TRAPPC5: variants seen among roughly 807,000 people sequenced by gnomAD.
TRAPPC5 encodes the protein trafficking protein particle complex 5.
In TRAPPC5, 5 loss-of-function variants were observed where a neutral mutation model predicts 9.8. The observed-to-expected ratio is 0.51, with a 90% CI of 0.27 to 1.07. The LOEUF is 1.07. Ranked by LOEUF, TRAPPC5 falls within the 50% of genes least tolerant of loss-of-function variation. TRAPPC5 has a pLI of 0.12. For synonymous variants in TRAPPC5, 146 were observed against 140.7 expected (o/e 1.04, Z -0.26); for missense variants, 243 against 291.5 (o/e 0.83, Z 1.21).
rs913034077 is a variant in TRAPPC5, at chr19:7,686,343, G to C, written c.*3523G>C. On this transcript the variant is annotated 3_prime_UTR_variant, in exon 2 of 2. Transcript: ENST00000596148. ...TCTGATCACAGCAGCTCTAACTTAC[G>C]GTGCTCTGGGCTGCAAGGAAGGTCT... 6.6e-6 allele frequency: 1 copy of C among 152,260 alleles called. No individual in the cohort carries two copies. Among genetic ancestry groups the C allele is most frequent in the South Asian group, 2.1e-4 (1 of 4,842 alleles). 9.4% of individuals were successfully genotyped at this position (152,260 alleles called of 1,614,324 possible).
chr19:7,684,622 C>G lies in TRAPPC5; in HGVS notation c.*1802C>G, dbSNP rs970052672. The G allele has an allele frequency of 6.6e-6, 1 of 152,024 alleles. No homozygotes were observed. The highest frequency in any genetic ancestry group is 2.4e-5 in the African/African-American group (1 of 41,382). The allele number at this position is 152,024 out of a possible 1,614,324, so 9.4% of individuals were successfully genotyped here. ...TTGGGAGGCCGAGGCAGGCGGATCA[C>G]GAGGTCAGGAGTTCGAGCCAGCCTG... On this transcript the variant is annotated 3_prime_UTR_variant, in exon 2 of 2. Coordinates refer to ENST00000596148, the MANE Select transcript of TRAPPC5 (RefSeq NM_001042462.2).
rs2032636305 is a variant in TRAPPC5, at chr19:7,681,580, G to T, written c.-12-662G>T. 6.6e-6 allele frequency among the ~76,000 whole-genome samples: 1 copy of T among 152,134 alleles called. No individual in the cohort carries two copies. Among genetic ancestry groups the T allele is most frequent in the East Asian group, 1.9e-4 (1 of 5,180 alleles). On this transcript the variant is annotated intron_variant, in intron 1 of 1. Coordinates refer to ENST00000596148, the MANE Select transcript of TRAPPC5 (RefSeq NM_001042462.2). This position sits in a 1 kb window ranked among gnomAD's most constrained non-coding sequence, Gnocchi z 8.7. ...GACACATCGGAGCTGCCTGCCTGAG[G>T]GCTTGGGGTTGGGGGTTACCCGCCC...
rs749507239 is a variant in TRAPPC5 at position 7,682,334 on chromosome 19, C to A, written c.81C>A (p.Ser27Arg). The A allele has an allele frequency of 3.2e-6, 5 of 1,543,972 alleles. No homozygotes were observed. Among genetic ancestry groups the A allele is most frequent in the Non-Finnish European group, 4.4e-6 (5 of 1,148,658 alleles). The change falls in exon 2 of 2, where the codon AGC becomes AGA. Residue 27 changes from serine (S) to arginine (R), a missense_variant. By Grantham distance (110) the Ser-to-Arg change is moderately radical. Transcript: ENST00000596148. The surrounding 1 kb of genome is among the most constrained non-coding windows in gnomAD (Gnocchi z 8.6). ...LARPRTEVSL[S>R]AFALLFSELV... ...GGCCGCGCACCGAGGTGAGCCTGAGCGCCTTCGCACTGCTGTTCTCCGAGC... is the reference window on the plus strand; with the variant it reads ...GGCCGCGCACCGAGGTGAGCCTGAGAGCCTTCGCACTGCTGTTCTCCGAGC...
chr19:7,683,872 C>G lies in TRAPPC5; in HGVS notation c.*1052C>G, dbSNP rs1464743760. The G allele has an allele frequency of 1.3e-5, 2 of 152,234 alleles. No homozygotes were observed. The highest frequency in any genetic ancestry group is 2.4e-5 in the African/African-American group (1 of 41,402). The allele number at this position is 152,234 out of a possible 1,614,324, so 9.4% of individuals were successfully genotyped here. A position where few individuals can be genotyped will look rare whatever the true frequency, so the allele number is the denominator to read the frequency against. On this transcript the variant is annotated 3_prime_UTR_variant, in exon 2 of 2. Coordinates refer to ENST00000596148, the MANE Select transcript of TRAPPC5 (RefSeq NM_001042462.2). ...CCATGTTAGCCAGGATGGTCTCGAT[C>G]TCCTCACCTCGTGATCTGCCCACCT...
Position 7,683,131 on chromosome 19 carries a change from T to C in TRAPPC5, c.*311T>C. On this transcript the variant is annotated 3_prime_UTR_variant, in exon 2 of 2. Coordinates refer to ENST00000596148, the MANE Select transcript of TRAPPC5 (RefSeq NM_001042462.2). ...GGGGCATGGGGTCCTGGGAGACGCA[T>C]CAGGCTGAGACAGACGCCTTTAGAC... 1 of 425,982 alleles carries C rather than the reference T, an allele frequency of 2.3e-6. No homozygotes were observed. Among genetic ancestry groups the C allele is most frequent in the Non-Finnish European group, 4.3e-6 (1 of 234,594 alleles). The allele number at this position is 425,982 out of a possible 1,614,324, so 26.4% of individuals were successfully genotyped here. A position where few individuals can be genotyped will look rare whatever the true frequency, so the allele number is the denominator to read the frequency against.
rs1038385314 is a variant in TRAPPC5, at chr19:7,685,920, G to C, written c.*3100G>C. On this transcript the variant is annotated 3_prime_UTR_variant, in exon 2 of 2. Transcript: ENST00000596148. ...AGACACAGAAACCACAGTCCTGGAT[G>C]GGGGACGGAGGGAGGGGAACATGGT... The C allele has an allele frequency of 1.3e-5, 2 of 152,474 alleles. No individual in the cohort carries two copies. Among genetic ancestry groups the C allele is most frequent in the African/African-American group, 4.8e-5 (2 of 41,424 alleles). The allele number at this position is 152,474 out of a possible 1,614,324, so 9.4% of individuals were successfully genotyped here. A position where few individuals can be genotyped will look rare whatever the true frequency, so the allele number is the denominator to read the frequency against.
Position 7,681,250 on chromosome 19 carries a change from C to A in TRAPPC5, c.-13+372C>A, listed in dbSNP as rs551338443. 1.8e-4 allele frequency among the ~76,000 whole-genome samples: 27 copies of A among 152,198 alleles called. No individual in the cohort carries two copies. In the East Asian group the frequency reaches 5.0e-3, roughly 28 times the overall value. On this transcript the variant is annotated intron_variant, in intron 1 of 1. Transcript: ENST00000596148. This position sits in a 1 kb window ranked among gnomAD's most constrained non-coding sequence, Gnocchi z 8.7. ...CCTCCCCGCTGGTTCTCCCACCTCC[C>A]ACGCAGACCTCGTTGGGGTCGGCTT...
chr19:7,682,635 A>G lies in TRAPPC5; in HGVS notation c.382A>G (p.Ile128Val). The G allele has an allele frequency of 6.2e-7, 1 of 1,613,742 alleles. No homozygotes were observed. The highest frequency in any genetic ancestry group is 1.1e-5 in the South Asian group (1 of 91,088). The change falls in exon 2 of 2, where the codon ATC becomes GTC. Residue 128 changes from isoleucine to valine, a missense_variant. Coordinates refer to ENST00000596148, the MANE Select transcript of TRAPPC5 (RefSeq NM_001042462.2). The surrounding 1 kb of genome is among the most constrained non-coding windows in gnomAD (Gnocchi z 8.6). Reference protein sequence around the residue: ...IEREPLINTYISVPKENSTLN... With the variant: ...IEREPLINTYVSVPKENSTLN... ...GCGCGAGCCGCTCATCAACACCTACATCTCCGTGCCCAAGGAGAACAGCAC... is the reference window on the plus strand; with the variant it reads ...GCGCGAGCCGCTCATCAACACCTACGTCTCCGTGCCCAAGGAGAACAGCAC...
chr19:7,682,846 G>A lies in TRAPPC5; in HGVS notation c.*26G>A, dbSNP rs1413941804. 14 of 1,544,996 alleles carry A rather than the reference G, an allele frequency of 9.1e-6. No individual in the cohort carries two copies. The highest frequency in any genetic ancestry group is 1.1e-5 in the Non-Finnish European group (13 of 1,140,952). ...CCCTGCCGGAGATAAAGGATACAGA[G>A]AGCCCCTCCCCACGTGTGTCTTGTG... is the stretch of plus-strand genomic sequence containing the variant. On this transcript the variant is annotated 3_prime_UTR_variant, in exon 2 of 2. Coordinates refer to ENST00000596148, the MANE Select transcript of TRAPPC5 (RefSeq NM_001042462.2). This position sits in a 1 kb window ranked among gnomAD's most constrained non-coding sequence, Gnocchi z 8.6.
rs1409333011 is a variant in TRAPPC5 at position 7,682,358 on chromosome 19, G to C, written c.105G>C (p.Glu35Asp). 2 of 1,564,314 alleles carry C rather than the reference G, an allele frequency of 1.3e-6. No homozygotes were observed. Among genetic ancestry groups the C allele is most frequent in the Non-Finnish European group, 1.7e-6 (2 of 1,155,866 alleles). Residue 35 changes from glutamate to aspartate, a missense_variant, in exon 2 of 2, where the codon GAG becomes GAC. Physicochemically the swap from Glu to Asp is conservative, Grantham distance 45 (BLOSUM62 2). Transcript: ENST00000596148. The surrounding 1 kb of genome is among the most constrained non-coding windows in gnomAD (Gnocchi z 8.6). The part of the protein sequence containing the change: ...SLSAFALLFS[E>D]LVQHCQSRVF... Reference sequence around the variant, plus strand: ...GCGCCTTCGCACTGCTGTTCTCCGAGCTGGTACAGCACTGCCAGAGCCGCG... The same window carrying C: ...GCGCCTTCGCACTGCTGTTCTCCGACCTGGTACAGCACTGCCAGAGCCGCG...
At position 7,687,643 on chromosome 19, in the gene TRAPPC5, T is replaced by C. The variant is rs1222244963; in HGVS notation, c.*4823T>C. 2 of 152,232 alleles carry C rather than the reference T, an allele frequency of 1.3e-5. No homozygotes were observed. Among genetic ancestry groups the C allele is most frequent in the African/African-American group, 2.4e-5 (1 of 41,448 alleles). The allele number at this position is 152,232 out of a possible 1,614,324, so 9.4% of individuals were successfully genotyped here. ...GGGCCATTGGACCTCAGAGGCTTCA[T>C]GTCCTGCACATTCTCCGTGTCATAG... On this transcript the variant is annotated 3_prime_UTR_variant, in exon 2 of 2. Transcript: ENST00000596148.
In TRAPPC5 at chr19:7,682,281, T is replaced by A; in HGVS notation, c.28T>A (p.Ser10Thr). The A allele has an allele frequency of 7.0e-7, 1 of 1,423,514 alleles. No homozygotes were observed. Among genetic ancestry groups the A allele is most frequent in the Non-Finnish European group, 9.1e-7 (1 of 1,096,480 alleles). 88.2% of individuals were successfully genotyped at this position (1,423,514 alleles called of 1,614,324 possible). ...GGAGGCGCGCTTCACGCGCGGGAAG[T>A]CGGCGCTGCTGGAGCGCGCGCTGGC... MEARFTRGKSALLERALARP... is the reference protein window; with the variant it reads MEARFTRGKTALLERALARP... Residue 10 changes from serine to threonine, a missense_variant, in exon 2 of 2, where the codon TCG becomes ACG. This residue lies in a region of TRAPPC5 where 89 missense variants were observed against 75.7 expected (regional missense o/e 1.18). Coordinates refer to ENST00000596148, the MANE Select transcript of TRAPPC5 (RefSeq NM_001042462.2). This position sits in a 1 kb window ranked among gnomAD's most constrained non-coding sequence, Gnocchi z 8.6.
Position 7,682,550 on chromosome 19 carries a change from C to A in TRAPPC5, c.297C>A (p.Gly99=). Reference sequence around the variant, plus strand: ...GCGCCGTGTGGAAGGCGCTCTTCGGCAAGGAGGCGGACAAGCTGGAGCAGG... The same window carrying A: ...GCGCCGTGTGGAAGGCGCTCTTCGGAAAGGAGGCGGACAAGCTGGAGCAGG... ...VKGAVWKALF[G]KEADKLEQAN... The change falls in exon 2 of 2, where the codon GGC becomes GGA. Residue 99 remains glycine (G), a synonymous_variant. Coordinates refer to ENST00000596148, the MANE Select transcript of TRAPPC5 (RefSeq NM_001042462.2). The surrounding 1 kb of genome is among the most constrained non-coding windows in gnomAD (Gnocchi z 8.6). 1 of 1,612,834 alleles carries A rather than the reference C, an allele frequency of 6.2e-7. No homozygotes were observed. The highest frequency in any genetic ancestry group is 8.5e-7 in the Non-Finnish European group (1 of 1,179,982).
In TRAPPC5 at chr19:7,683,255, C is replaced by G. The variant is rs562514343; in HGVS notation, c.*435C>G. The G allele has an allele frequency of 1.9e-5, 3 of 160,538 alleles. No individual in the cohort carries two copies. The highest frequency in any genetic ancestry group is 1.8e-4 in the East Asian group (1 of 5,408). 9.9% of individuals were successfully genotyped at this position (160,538 alleles called of 1,614,324 possible). On this transcript the variant is annotated 3_prime_UTR_variant, in exon 2 of 2. Coordinates refer to ENST00000596148, the MANE Select transcript of TRAPPC5 (RefSeq NM_001042462.2). ...TTATTTGTTGAGATAGAGTCTTGCT[C>G]TGTCGCCCAGGCTGGAGTGCAGTGG...
chr19:7,682,394 G>A lies in TRAPPC5; in HGVS notation c.141G>A (p.Val47=), dbSNP rs761419802. The change falls in exon 2 of 2, where the codon GTG becomes GTA. Residue 47 remains valine, a synonymous_variant. Transcript: ENST00000596148. The surrounding 1 kb of genome is among the most constrained non-coding windows in gnomAD (Gnocchi z 8.6). ...ACTGCCAGAGCCGCGTCTTCTCCGT[G>A]GCCGAGCTGCAGTCGCGCCTGGCCG... ...VQHCQSRVFS[V]AELQSRLAAL... is the part of the protein sequence containing the mutation. The A allele has an allele frequency of 6.3e-7, 1 of 1,577,690 alleles. No individual in the cohort carries two copies. Among genetic ancestry groups the A allele is most frequent in the South Asian group, 1.1e-5 (1 of 87,360 alleles).
In TRAPPC5 at chr19:7,682,334, C is replaced by T. The variant is rs749507239; in HGVS notation, c.81C>T (p.Ser27=). 6.5e-7 allele frequency: 1 copy of T among 1,543,972 alleles called. No individual in the cohort carries two copies. The highest frequency in any genetic ancestry group is 2.1e-5 in the Admixed American group (1 of 47,978). Reference sequence around the variant, plus strand: ...GGCCGCGCACCGAGGTGAGCCTGAGCGCCTTCGCACTGCTGTTCTCCGAGC... The same window carrying T: ...GGCCGCGCACCGAGGTGAGCCTGAGTGCCTTCGCACTGCTGTTCTCCGAGC... ...LARPRTEVSL[S]AFALLFSELV... Residue 27 remains serine (S), a synonymous_variant, in exon 2 of 2, where the codon AGC becomes AGT. Coordinates refer to ENST00000596148, the MANE Select transcript of TRAPPC5 (RefSeq NM_001042462.2). This position sits in a 1 kb window ranked among gnomAD's most constrained non-coding sequence, Gnocchi z 8.6.
In TRAPPC5 at chr19:7,687,695, C is replaced by G. The variant is rs56994937; in HGVS notation, c.*4875C>G. 6.6e-6 allele frequency: 1 copy of G among 151,904 alleles called. No homozygotes were observed. The highest frequency in any genetic ancestry group is 1.5e-5 in the Non-Finnish European group (1 of 67,972). The allele number at this position is 151,904 out of a possible 1,614,324, so 9.4% of individuals were successfully genotyped here. ...GCAGGAAAAAATAAAAACGGGAGATCGAATTCTACTTCAGTTGCTCCTCAA... is the reference window on the plus strand; with the variant it reads ...GCAGGAAAAAATAAAAACGGGAGATGGAATTCTACTTCAGTTGCTCCTCAA... On this transcript the variant is annotated 3_prime_UTR_variant, in exon 2 of 2. Transcript: ENST00000596148.
rs73921520 is a variant in TRAPPC5, at chr19:7,687,367, C to G, written c.*4547C>G. ...CTCCTGGCCTCCCTCCCGTGGCCTC[C>G]GGCATGGGTCGACCTTGGCCGAGCG... On this transcript the variant is annotated 3_prime_UTR_variant, in exon 2 of 2. Transcript: ENST00000596148. 0.067 allele frequency: 10,146 copies of G among 152,512 alleles called. 379 individuals carry two copies. Among genetic ancestry groups the G allele is most frequent in the Non-Finnish European group, 0.082 (5,599 of 68,254 alleles). The allele number at this position is 152,512 out of a possible 1,614,324, so 9.4% of individuals were successfully genotyped here.
In TRAPPC5 at chr19:7,685,729, T is replaced by C; in HGVS notation, c.*2909T>C. Reference sequence around the variant, plus strand: ...CCACACATAGCCCCAGGGCTGATCCTGGAATAGCTGTTGGCTGTTGGAGGT... The same window carrying C: ...CCACACATAGCCCCAGGGCTGATCCCGGAATAGCTGTTGGCTGTTGGAGGT... On this transcript the variant is annotated 3_prime_UTR_variant, in exon 2 of 2. Coordinates refer to ENST00000596148, the MANE Select transcript of TRAPPC5 (RefSeq NM_001042462.2). 1 of 152,586 alleles carries C rather than the reference T, an allele frequency of 6.6e-6. No individual in the cohort carries two copies. Among genetic ancestry groups the C allele is most frequent in the Admixed American group, 6.5e-5 (1 of 15,292 alleles). 9.5% of individuals were successfully genotyped at this position (152,586 alleles called of 1,614,324 possible). A position where few individuals can be genotyped will look rare whatever the true frequency, so the allele number is the denominator to read the frequency against.
Sources: allele counts gnomAD v4.1 joint callset (sites outside exome capture counted in the v4.1 genomes callset), GRCh38; gene constraint gnomAD v4.1.1; regional missense constraint gnomAD v4.1.1; non-coding constraint Gnocchi (gnomAD v3.1); transcripts MANE v1.5; gene names NCBI Gene and HGNC (gene_info 2026-07-23, HGNC 2026-07-21).